Variants in SOX5 observed in about 807,000 individuals in gnomAD.
SOX5 encodes the protein transcription factor SOX-5.
In SOX5, 9 loss-of-function variants were observed where a neutral mutation model predicts 92.0. That is an observed-to-expected ratio of 0.10 (90% CI 0.06 to 0.17). SOX5 has a LOEUF of 0.17. Ranked by LOEUF, SOX5 falls within the 10% of genes least tolerant of loss-of-function variation. The pLI is 1.00. For missense variants in SOX5, 642 were observed against 944.5 expected, an observed-to-expected ratio of 0.68 and a Z score of 4.20; for synonymous variants, 344 against 336.3, an observed-to-expected ratio of 1.02 and a Z score of -0.25.
chr12:24,061,581 G>A (rs79859748), intron 4 of SOX5, among the ~76,000 whole-genome samples: 19,512 of 151,908 alleles, frequency 0.13, 1,702 homozygotes, highest in Non-Finnish European at 0.2. Context: ...CAATGATAAC[G>A]TTTGCACAAA....
intron 1 of SOX5, among the ~76,000 whole-genome samples, chr12:23,903,582 CA>C (rs920771770): frequency 1.3e-5 from 2 of 151,654 alleles, no homozygotes; most frequent in African/African-American, 4.8e-5. Flanking sequence ...GACCCTGTCT[CA>C]AAAAAAACTC....
At chr12:24,145,669 A>G (rs1951009558) in intron 4 of SOX5, among the ~76,000 whole-genome samples, 1 of 151,980 alleles carries the variant, frequency 6.6e-6, no homozygotes, top group Non-Finnish European at 1.5e-5. Flanking sequence ...CTGATTTTTT[A>G]TCTTTTTTGT....
At chr12:23,760,839 TAC>T (rs2141326708) in intron 3 of SOX5, among the ~76,000 whole-genome samples, 1 of 152,288 alleles carries the variant, frequency 6.6e-6, no homozygotes, top group Non-Finnish European at 1.5e-5. Context: ...GCAGTAGCTT[TAC>T]ACACAAGCTC....
intron 4 of SOX5, among the ~76,000 whole-genome samples, chr12:24,053,389 C>T (rs1333544769): frequency 6.6e-6 from 1 of 152,138 alleles, no homozygotes; most frequent in Non-Finnish European, 1.5e-5. Context: ...CTCGGGCTCC[C>T]AAAGTGCTGT....
chr12:24,522,017 G>C (rs531691452), intron 1 of SOX5, among the ~76,000 whole-genome samples: 18 of 151,408 alleles, frequency 1.2e-4, no homozygotes, highest in African/African-American at 4.4e-4. Context: ...TTTTTTTGAA[G>C]ATAAAATTGT....
chr12:24,083,805 T>G (rs1185461694), intron 4 of SOX5, among the ~76,000 whole-genome samples: 1 of 152,044 alleles, frequency 6.6e-6, no homozygotes, highest in Non-Finnish European at 1.5e-5. Context: ...TGAGGAATAA[T>G]TAGTGGCCCA....
At chr12:24,502,626 A>G (rs1467670875) in intron 1 of SOX5, among the ~76,000 whole-genome samples, 2 of 152,194 alleles carry the variant, frequency 1.3e-5, no homozygotes, top group Non-Finnish European at 2.9e-5. Flanking sequence ...TGCAAGCAAC[A>G]TCTACCAACG....
intron 4 of SOX5, among the ~76,000 whole-genome samples, chr12:24,087,364 GAAT>G (rs1308053361): frequency 6.6e-6 from 1 of 151,910 alleles, no homozygotes; most frequent in African/African-American, 2.4e-5. Context: ...ACATTCAAAG[GAAT>G]AATAATAATT....
intron 1 of SOX5, among the ~76,000 whole-genome samples, chr12:24,432,845 T>C (rs1436297038): frequency 6.6e-6 from 1 of 151,938 alleles, no homozygotes; most frequent in Non-Finnish European, 1.5e-5. Flanking sequence ...TTGTTAAAGG[T>C]GTAAAATACA....
chr12:24,382,366 G>A (rs1957912267), intron 1 of SOX5, among the ~76,000 whole-genome samples: 3 of 152,134 alleles, frequency 2.0e-5, no homozygotes, highest in African/African-American at 7.2e-5. Context: ...CACCACATAG[G>A]AGAAAGAGCA....
intron 3 of SOX5, among the ~76,000 whole-genome samples, chr12:23,757,101 T>C (rs2094411303): frequency 6.6e-6 from 1 of 151,942 alleles, no homozygotes; most frequent in South Asian, 2.1e-4. Flanking sequence ...AAGCTCTGAA[T>C]GATTACTCTT....
At chr12:23,940,983 T>C (rs1299481774) in intron 1 of SOX5, among the ~76,000 whole-genome samples, 1 of 151,566 alleles carries the variant, frequency 6.6e-6, no homozygotes, top group East Asian at 1.9e-4. Flanking sequence ...TATATGTTCC[T>C]GTAGCACATG....
intron 8 of SOX5, among the ~76,000 whole-genome samples, chr12:23,607,296 C>A (rs1389099538): frequency 6.6e-6 from 1 of 152,114 alleles, no homozygotes; most frequent in East Asian, 1.9e-4. Flanking sequence ...CAAAAATGAA[C>A]CCCGTCTTAG....
intron 2 of SOX5, among the ~76,000 whole-genome samples, chr12:23,871,894 C>G (rs1178032293): frequency 1.3e-5 from 2 of 152,068 alleles, no homozygotes; most frequent in Non-Finnish European, 2.9e-5. Flanking sequence ...AGAGTTTCTC[C>G]CCAACTATCT....
At chr12:24,524,723 G>T (rs932203402) in intron 1 of SOX5, among the ~76,000 whole-genome samples, 2 of 152,080 alleles carry the variant, frequency 1.3e-5, no homozygotes, top group Non-Finnish European at 2.9e-5. Flanking sequence ...TGATGGGAAT[G>T]CAAAATGGTA....
At chr12:23,969,109 A>G (rs922781405) in intron 4 of SOX5, among the ~76,000 whole-genome samples, 1 of 152,164 alleles carries the variant, frequency 6.6e-6, no homozygotes, top group Non-Finnish European at 1.5e-5. Context: ...CCAAAAACCT[A>G]CAAGTCATTT....
intron 1 of SOX5, among the ~76,000 whole-genome samples, chr12:24,505,829 ATGTG>A (rs35993008): frequency 1.4e-4 from 18 of 124,722 alleles, no homozygotes; most frequent in South Asian, 8.0e-4. Flanking sequence ...AAGGCTTGGT[ATGTG>A]TGTGTGTGTG....
intron 2 of SOX5, among the ~76,000 whole-genome samples, chr12:24,293,345 C>A (rs909939277): frequency 6.6e-6 from 1 of 152,210 alleles, no homozygotes; most frequent in East Asian, 1.9e-4. Flanking sequence ...GACAAACCTG[C>A]CTGTGGTTTT....
intron 4 of SOX5, among the ~76,000 whole-genome samples, chr12:23,753,454 A>T (rs1400890819): frequency 6.6e-6 from 1 of 151,642 alleles, no homozygotes; most frequent in Non-Finnish European, 1.5e-5. Context: ...GCACACCAAG[A>T]CTCTGTGAAT....
Sources: allele counts gnomAD v4.1 joint callset (sites outside exome capture counted in the v4.1 genomes callset), GRCh38; gene constraint gnomAD v4.1.1; transcripts MANE v1.5; gene names NCBI Gene and HGNC (gene_info 2026-07-23, HGNC 2026-07-21).